SLC35F3: variants seen among roughly 807,000 people sequenced by gnomAD.
The protein encoded by SLC35F3 is solute carrier family 35 member F3, also known as putative thiamine transporter SLC35F3.
Under a neutral mutation model 49.9 loss-of-function variants are expected in SLC35F3, and 25 were observed. The ratio of observed to expected loss-of-function variants is 0.50; its 90% CI spans 0.37 to 0.70. The LOEUF is 0.70. Ranked by LOEUF, SLC35F3 falls within the 30% of genes least tolerant of loss-of-function variation. The pLI, the probability that SLC35F3 is intolerant of heterozygous loss-of-function variation, is 0.00. For missense variants in SLC35F3, 525 were observed against 639.8 expected (o/e 0.82, Z 1.94); for synonymous variants, 275 against 265.4 (o/e 1.04, Z -0.35).
intron 2 of SLC35F3, among the ~76,000 whole-genome samples, chr1:233,949,601 T>G (rs573282625): frequency 3.3e-5 from 5 of 152,156 alleles, no homozygotes; most frequent in Non-Finnish European, 5.9e-5. Flanking sequence ...CCCAGGACCA[T>G]GCTGTTTACA....
intron 2 of SLC35F3, among the ~76,000 whole-genome samples, chr1:234,188,218 C>T (rs1444573199): frequency 6.8e-6 from 1 of 147,756 alleles, no homozygotes; most frequent in Non-Finnish European, 1.5e-5. Flanking sequence ...GCCTGGGCAA[C>T]AAGAGCGAAA....
intron 3 of SLC35F3, among the ~76,000 whole-genome samples, chr1:234,249,523 T>C (rs759866480): frequency 1.3e-5 from 2 of 152,126 alleles, no homozygotes; most frequent in Non-Finnish European, 2.9e-5. Flanking sequence ...TTCATCCAAG[T>C]ACCAAGTACA....
At chr1:234,301,610 C>G (rs1236680917) in intron 3 of SLC35F3, among the ~76,000 whole-genome samples, 1 of 152,184 alleles carries the variant, frequency 6.6e-6, no homozygotes, top group African/African-American at 2.4e-5. Flanking sequence ...ATTAGTTCAA[C>G]TATTGTGGAA....
At chr1:234,322,725 C>T (rs1657654309) in intron 7 of SLC35F3, among the ~76,000 whole-genome samples, 1 of 151,608 alleles carries the variant, frequency 6.6e-6, no homozygotes, top group Non-Finnish European at 1.5e-5. Context: ...CCTTCATTCA[C>T]TTGTTTTAAT....
intron 2 of SLC35F3, among the ~76,000 whole-genome samples, chr1:233,918,391 G>C (rs1163279363): frequency 1.3e-5 from 2 of 152,140 alleles, no homozygotes; most frequent in East Asian, 3.9e-4. Context: ...CAGTGCACTG[G>C]GACTGCCTCA....
At chr1:234,151,532 A>G (rs922639951) in intron 2 of SLC35F3, among the ~76,000 whole-genome samples, 2 of 149,446 alleles carry the variant, frequency 1.3e-5, no homozygotes, top group East Asian at 1.9e-4. Context: ...ATAAGATGTG[A>G]AAAAAAAAAC....
chr1:234,164,409 C>T (rs1411907124), intron 2 of SLC35F3, among the ~76,000 whole-genome samples: 1 of 150,422 alleles, frequency 6.6e-6, no homozygotes, highest in Non-Finnish European at 1.5e-5. Flanking sequence ...CCCGCTCCCT[C>T]CCTCTTTCTT....
chr1:233,985,304 C>A (rs1423446729), intron 2 of SLC35F3, among the ~76,000 whole-genome samples: 1 of 152,176 alleles, frequency 6.6e-6, no homozygotes, highest in East Asian at 1.9e-4. Context: ...TTGAACAGAG[C>A]AAAACTTGTC....
At chr1:234,039,995 T>TTGGGTACCAGCACTTGG (rs1202152521) in intron 2 of SLC35F3, among the ~76,000 whole-genome samples, 2 of 152,192 alleles carry the variant, frequency 1.3e-5, no homozygotes, top group Non-Finnish European at 2.9e-5. Flanking sequence ...ACAGCCTTTT[T>TTGGGTACCAGCACTTGG]TGGGTACCAG....
intron 4 of SLC35F3, among the ~76,000 whole-genome samples, chr1:234,315,904 T>C (rs997387035): frequency 9.9e-5 from 15 of 152,226 alleles, no homozygotes; most frequent in Admixed American, 9.2e-4. Context: ...AATTTCACTT[T>C]CCATGAGAGT....
chr1:234,207,430 T>TCC (rs1283603362), intron 2 of SLC35F3, among the ~76,000 whole-genome samples: 1 of 46,916 alleles, frequency 2.1e-5, no homozygotes, highest in African/African-American at 9.0e-5. Flanking sequence ...CCCTCCCTCT[T>TCC]TCCTGCTTCC....
At chr1:234,196,103 T>G (rs1666806171) in intron 2 of SLC35F3, among the ~76,000 whole-genome samples, 1 of 152,102 alleles carries the variant, frequency 6.6e-6, no homozygotes. Context: ...TGGACCAAAC[T>G]GAGAACTAGG....
At chr1:233,958,497 A>G (rs539865648) in intron 2 of SLC35F3, among the ~76,000 whole-genome samples, 5 of 152,342 alleles carry the variant, frequency 3.3e-5, no homozygotes, top group East Asian at 1.9e-4. Flanking sequence ...TGATCACCAT[A>G]AGGATTTTTG....
chr1:234,227,650 G>A (rs559725486), intron 2 of SLC35F3, among the ~76,000 whole-genome samples: 11 of 151,896 alleles, frequency 7.2e-5, no homozygotes, highest in South Asian at 2.1e-4. Context: ...CGCCCACCTC[G>A]GCCTCCCAAA....
intron 2 of SLC35F3, among the ~76,000 whole-genome samples, chr1:233,924,357 C>A (rs150677561): frequency 1.3e-5 from 2 of 152,142 alleles, no homozygotes; most frequent in African/African-American, 2.4e-5. Flanking sequence ...TCAACTTCTT[C>A]CTGGTTTAGT....
chr1:234,031,885 G>A (rs1041561046), intron 2 of SLC35F3, among the ~76,000 whole-genome samples: 1 of 152,098 alleles, frequency 6.6e-6, no homozygotes, highest in African/African-American at 2.4e-5. Context: ...ACACAGCCTG[G>A]AACCATTTCC....
chr1:233,962,231 C>A (rs541781655), intron 2 of SLC35F3, among the ~76,000 whole-genome samples: 10 of 152,142 alleles, frequency 6.6e-5, no homozygotes, highest in Non-Finnish European at 1.3e-4. Flanking sequence ...TGTATGTTTG[C>A]TTAACTTTGA....
chr1:233,986,374 T>A (rs1663266428), intron 2 of SLC35F3, among the ~76,000 whole-genome samples: 1 of 152,228 alleles, frequency 6.6e-6, no homozygotes, highest in Non-Finnish European at 1.5e-5. Flanking sequence ...CTTTCATAAA[T>A]GTTTGTTCTG....
chr1:234,120,691 G>A (rs1316599286), intron 2 of SLC35F3, among the ~76,000 whole-genome samples: 1 of 152,168 alleles, frequency 6.6e-6, no homozygotes, highest in African/African-American at 2.4e-5. Context: ...GACAGCCCTT[G>A]GTCTCCTTCT....
Sources: gnomAD v4.1 joint callset for allele counts (sites outside exome capture counted in the v4.1 genomes callset) on GRCh38, gnomAD v4.1.1 for gene constraint, MANE v1.5 for transcripts, NCBI Gene and HGNC (gene_info 2026-07-23, HGNC 2026-07-21) for gene names.